Variants in PUDP observed in about 807,000 individuals in gnomAD.
PUDP encodes pseudouridine 5'-phosphatase, also known as pseudouridine-5'-phosphatase.
Under a neutral mutation model 9.4 loss-of-function variants are expected in PUDP, and 8 were observed. The ratio of observed to expected loss-of-function variants is 0.85; its 90% CI spans 0.50 to 1.53. The LOEUF (loss-of-function observed/expected upper bound fraction) is 1.53. Ranked by LOEUF, PUDP falls within the 40% of genes most tolerant of loss-of-function variation. PUDP has a pLI of 0.00. For missense variants in PUDP, 188 were observed against 189.7 expected, an observed-to-expected ratio of 0.99 and a Z score of 0.05; for synonymous variants, 99 against 80.7, an observed-to-expected ratio of 1.23 and a Z score of -1.22.
intron 3 of PUDP, among the ~76,000 whole-genome samples, chrX:7,067,270 T>C (rs1324909225): frequency 8.9e-6 from 1 of 112,125 alleles, no homozygotes; most frequent in African/African-American, 3.2e-5. Flanking sequence ...ATGGCTCAGC[T>C]CTGGCGTAAT....
chrX:6,957,297 GA>G (rs771965198), intron 3 of PUDP, among the ~76,000 whole-genome samples: 1 of 110,791 alleles, frequency 9.0e-6, no homozygotes, highest in East Asian at 2.9e-4. Flanking sequence ...GGACCTTTAA[GA>G]GGTGATTAGG....
At chrX:7,061,318 T>C (rs960442953) in intron 3 of PUDP, among the ~76,000 whole-genome samples, 1 of 111,739 alleles carries the variant, frequency 8.9e-6, no homozygotes, top group Non-Finnish European at 1.9e-5. Flanking sequence ...AGATACACTA[T>C]ATTTTTCTGT....
At chrX:6,820,518 T>G (rs1432667426) in intron 3 of PUDP, among the ~76,000 whole-genome samples, 1 of 111,757 alleles carries the variant, frequency 8.9e-6, no homozygotes, top group Non-Finnish European at 1.9e-5. Flanking sequence ...ACTAGTTACT[T>G]CCTAGATACC....
chrX:6,869,614 C>A (rs1380433652), intron 3 of PUDP, among the ~76,000 whole-genome samples: 1 of 111,187 alleles, frequency 9.0e-6, no homozygotes, highest in Non-Finnish European at 1.9e-5. Flanking sequence ...TACAATCCAG[C>A]CTTAAAAGTC....
chrX:6,750,441 G>C (rs1232557563), intron 3 of PUDP, among the ~76,000 whole-genome samples: 1 of 110,769 alleles, frequency 9.0e-6, no homozygotes, highest in Non-Finnish European at 1.9e-5. Context: ...CCCAAACGAA[G>C]AGAGTAAACC....
intron 3 of PUDP, among the ~76,000 whole-genome samples, chrX:6,846,987 G>A (rs1368605218): frequency 9.0e-6 from 1 of 111,445 alleles, no homozygotes; most frequent in Non-Finnish European, 1.9e-5. Flanking sequence ...CAGCTATGCT[G>A]ACCTAAAACT....
At chrX:6,726,715 A>G (rs769840244) in intron 3 of PUDP, among the ~76,000 whole-genome samples, 6 of 111,964 alleles carry the variant, frequency 5.4e-5, no homozygotes, top group Non-Finnish European at 1.1e-4. Flanking sequence ...AGATTTTTTT[A>G]ATGTGTAAGG....
chrX:7,051,355 C>A (rs1022255969), intron 3 of PUDP, among the ~76,000 whole-genome samples: 1 of 110,566 alleles, frequency 9.0e-6, no homozygotes, highest in Non-Finnish European at 1.9e-5. Flanking sequence ...GGATGGGAAG[C>A]CATAAGAATT....
chrX:6,977,213 C>T (rs950842360), exon 3 of PUDP, among the ~76,000 whole-genome samples: 1 of 111,841 alleles, frequency 8.9e-6, no homozygotes, highest in African/African-American at 3.3e-5. Context: ...AACCCAATCT[C>T]ACAACGGGGA....
chrX:6,727,568 A>G (rs1432324814), intron 3 of PUDP, among the ~76,000 whole-genome samples: 1 of 111,987 alleles, frequency 8.9e-6, no homozygotes, highest in African/African-American at 3.2e-5. Context: ...TGTTGGATCC[A>G]GGTGGCTTAA....
chrX:7,116,362 G>A (rs1389760671), intron 1 of PUDP, among the ~76,000 whole-genome samples: 1 of 111,674 alleles, frequency 9.0e-6, no homozygotes, highest in Non-Finnish European at 1.9e-5. Context: ...TCATTGAGCT[G>A]GCCAAGGACC....
intron 1 of PUDP, among the ~76,000 whole-genome samples, chrX:6,720,187 C>A (rs778283437): frequency 2.0e-3 from 149 of 73,416 alleles, no homozygotes; most frequent in African/African-American, 7.7e-3. Flanking sequence ...TGTGTATATA[C>A]ATATGTGTAT....
In PUDP at chrX:7,006,752, C is replaced by G. The variant is rs141275922; in HGVS notation, c.205-28409G>C. Among the ~76,000 whole-genome samples, 8 of 111,528 alleles carry G rather than the reference C, an allele frequency of 7.2e-5. No homozygotes were observed. In the East Asian group the frequency reaches 2.0e-3, roughly 28 times the overall value. On this transcript the variant is annotated intron_variant and NMD_transcript_variant, in intron 1 of 3. Coordinates refer to the PUDP transcript ENST00000655425. Reference sequence around the variant, plus strand: ...GTCCAGGAGCAAGAACATGGTGTGACTGCTCTCTGCTAAAGAATTTCAGCC... The same window carrying G: ...GTCCAGGAGCAAGAACATGGTGTGAGTGCTCTCTGCTAAAGAATTTCAGCC...
intron 1 of PUDP, among the ~76,000 whole-genome samples, chrX:7,133,526 G>C (rs1384690904): frequency 1.8e-5 from 2 of 112,191 alleles, no homozygotes. Context: ...GGTGCCCTCT[G>C]CACCTAGCAG....
At chrX:6,993,410 A>C (rs1359324614) in intron 1 of PUDP, among the ~76,000 whole-genome samples, 1 of 112,144 alleles carries the variant, frequency 8.9e-6, no homozygotes, top group East Asian at 2.8e-4. Flanking sequence ...ATAGGAAGCA[A>C]ATTATAACCA....
intron 3 of PUDP, among the ~76,000 whole-genome samples, chrX:6,792,321 T>C (rs1925762325): frequency 9.1e-6 from 1 of 109,553 alleles, no homozygotes; most frequent in African/African-American, 3.3e-5. Context: ...GCCCTCACCA[T>C]CCATGCTAAT....
intron 3 of PUDP, among the ~76,000 whole-genome samples, chrX:6,798,202 CA>C (rs957429740): frequency 7.1e-5 from 8 of 111,973 alleles, no homozygotes; most frequent in African/African-American, 2.3e-4. Context: ...AAAGGAGAAG[CA>C]AAGGCACATC....
chrX:6,743,319 C>T (rs954274614), intron 3 of PUDP, among the ~76,000 whole-genome samples: 9 of 111,729 alleles, frequency 8.1e-5, no homozygotes, highest in African/African-American at 3.0e-4. Context: ...TTGGATACAA[C>T]ACAAGCCACT....
At chrX:6,895,903 G>T (rs1443972853) in intron 3 of PUDP, among the ~76,000 whole-genome samples, 1 of 110,595 alleles carries the variant, frequency 9.0e-6, no homozygotes, top group Non-Finnish European at 1.9e-5. Flanking sequence ...GTCCTCACGT[G>T]GGGGAAGGGG....
Sources: gnomAD v4.1 joint callset for allele counts (sites outside exome capture counted in the v4.1 genomes callset) on GRCh38, gnomAD v4.1.1 for gene constraint, MANE v1.5 for transcripts, NCBI Gene and HGNC (gene_info 2026-07-23, HGNC 2026-07-21) for gene names.